Variants in UGT1A8 observed in about 807,000 individuals in gnomAD.
The protein encoded by UGT1A8 is UDP glucuronosyltransferase family 1 member A8.
A neutral mutation model predicts 45.3 loss-of-function variants in UGT1A8; 39 were observed. That is an observed-to-expected ratio of 0.86 (90% CI 0.67 to 1.12). The LOEUF is 1.12. UGT1A8 is among the 50% of genes most tolerant of loss of function. The pLI is 0.00. For synonymous variants in UGT1A8, 275 were observed against 249.2 expected, an observed-to-expected ratio of 1.10 and a Z score of -0.97; for missense variants, 719 against 664.9, an observed-to-expected ratio of 1.08 and a Z score of -0.90.
chr2:233,729,493 G>A, intron 1 of UGT1A8: 5 of 1,614,180 alleles, frequency 3.1e-6, no homozygotes, highest in Non-Finnish European at 4.2e-6. Context: ...TATGTCTTTG[G>A]TCTATCATAG....
chr2:233,688,950 A>G (rs1267065025), intron 1 of UGT1A8, among the ~76,000 whole-genome samples: 1 of 152,154 alleles, frequency 6.6e-6, no homozygotes, highest in Non-Finnish European at 1.5e-5. Context: ...ATGAAGCCAA[A>G]TGTTTGGAAT....
chr2:233,747,299 G>A, intron 1 of UGT1A8: 1 of 1,602,106 alleles, frequency 6.2e-7, no homozygotes, highest in Non-Finnish European at 8.5e-7. Flanking sequence ...GCTGAGAGTG[G>A]GAAGGTGCTG....
chr2:233,661,420 C>A (rs1041768979), intron 1 of UGT1A8, among the ~76,000 whole-genome samples: 2 of 152,044 alleles, frequency 1.3e-5, no homozygotes, highest in African/African-American at 2.4e-5. Flanking sequence ...CTCAGTAAGA[C>A]CTTTCTCACT....
In UGT1A8 at chr2:233,638,616, A is replaced by G. The variant is rs2073367335; in HGVS notation, c.855+20054A>G. 2.0e-5 allele frequency among the ~76,000 whole-genome samples: 3 copies of G among 152,212 alleles called. No individual in the cohort carries two copies. The South Asian group carries it at 6.2e-4, about 31-fold the overall frequency. ...CCAGAATAAGATTCTTGGCAAACGC[A>G]TAGTTGCTAAATCCAGATGAAACAC... On this transcript the variant is annotated intron_variant, in intron 1 of 4. Coordinates refer to ENST00000373450, the MANE Select transcript of UGT1A8 (RefSeq NM_019076.5).
At chr2:233,693,871 T>G in intron 1 of UGT1A8, 1 of 1,614,106 alleles carries the variant, frequency 6.2e-7, no homozygotes, top group Non-Finnish European at 8.5e-7. Flanking sequence ...CTCAGGTTGG[T>G]GGGTTTATTT....
intron 1 of UGT1A8, among the ~76,000 whole-genome samples, chr2:233,763,590 A>G (rs772976697): frequency 6.6e-6 from 1 of 152,156 alleles, no homozygotes; most frequent in Non-Finnish European, 1.5e-5. Flanking sequence ...TTCCTTTGTT[A>G]ACTAAAAATG....
intron 1 of UGT1A8, among the ~76,000 whole-genome samples, chr2:233,669,793 C>G (rs28970007): frequency 6.6e-6 from 1 of 152,148 alleles, no homozygotes; most frequent in African/African-American, 2.4e-5. Flanking sequence ...AAGTGATTCT[C>G]CTGCCTCAGC....
chr2:233,656,439 T>C (rs2073854770), intron 1 of UGT1A8, among the ~76,000 whole-genome samples: 1 of 152,232 alleles, frequency 6.6e-6, no homozygotes, highest in Non-Finnish European at 1.5e-5. Context: ...TTAGTCAGTG[T>C]CCGGTGGAGG....
intron 1 of UGT1A8, among the ~76,000 whole-genome samples, chr2:233,698,139 C>T (rs1179532977): frequency 6.6e-6 from 1 of 152,188 alleles, no homozygotes; most frequent in Admixed American, 6.5e-5. Flanking sequence ...TGTGTCTCAA[C>T]TGTATTCCCA....
intron 4 of UGT1A8, chr2:233,770,945 C>A (rs537203065): frequency 1.3e-5 from 2 of 152,232 alleles, no homozygotes; most frequent in African/African-American, 4.8e-5. Flanking sequence ...GCCGGGGGAA[C>A]CTCAGGGAGC....
intron 1 of UGT1A8, among the ~76,000 whole-genome samples, chr2:233,663,080 A>G (rs545505178): frequency 1.8e-4 from 28 of 152,284 alleles, no homozygotes; most frequent in African/African-American, 6.7e-4. Flanking sequence ...ATTCATCTGC[A>G]GAACTCTCTT....
intron 1 of UGT1A8, among the ~76,000 whole-genome samples, chr2:233,727,487 G>T (rs980960978): frequency 2.0e-5 from 3 of 152,164 alleles, no homozygotes; most frequent in Admixed American, 6.5e-5. Context: ...CTACTTGGAG[G>T]TAGAACATGG....
rs186714678 is a variant in UGT1A8 at position 233,744,068 on chromosome 2, C to T, written c.856-22966C>T. On this transcript the variant is annotated intron_variant, in intron 1 of 4. Coordinates refer to ENST00000373450, the MANE Select transcript of UGT1A8 (RefSeq NM_019076.5). ...CATCTCATTGGTCGAGGCCTATGAG[C>T]GCCTCGCATCCCAAGATGCAGTGCT... is the stretch of plus-strand genomic sequence containing the variant. 2.4e-4 allele frequency: 123 copies of T among 517,010 alleles called. 1 individual carries two copies. Among genetic ancestry groups the T allele is most frequent in the African/African-American group, 1.6e-3 (78 of 49,160 alleles). 32.0% of individuals were successfully genotyped at this position (517,010 alleles called of 1,614,324 possible).
At chr2:233,760,757 G>A (rs762472856) in intron 1 of UGT1A8, 14 of 1,613,946 alleles carry the variant, frequency 8.7e-6, no homozygotes, top group South Asian at 1.1e-5. Flanking sequence ...CTTCCTTGCA[G>A]CCCCATCGTG....
At chr2:233,768,037 T>C (rs1699552537) in intron 3 of UGT1A8, 101 bp downstream of exon 3, 3 of 1,611,640 alleles carry the variant, frequency 1.9e-6, no homozygotes, top group Non-Finnish European at 2.5e-6. Context: ...GAAAATATTA[T>C]GGCCAACATA....
Position 233,769,784 on chromosome 2 carries a change from G to A in UGT1A8, c.1295+1345G>A. 3 of 1,312,290 alleles carry A rather than the reference G, an allele frequency of 2.3e-6. No individual in the cohort carries two copies. The highest frequency in any genetic ancestry group is 3.0e-6 in the Non-Finnish European group (3 of 1,000,230). 81.3% of individuals were successfully genotyped at this position (1,312,290 alleles called of 1,614,324 possible). The stretch of plus-strand genomic sequence containing the variant: ...GCGGGAGGATTGCTTGAGCCCAGAA[G>A]TTGGAGGCTGCTATGAGCCGTGATC... On this transcript the variant is annotated intron_variant, in intron 4 of 4. Coordinates refer to ENST00000373450, the MANE Select transcript of UGT1A8 (RefSeq NM_019076.5). This position sits in a 1 kb window ranked among gnomAD's most constrained non-coding sequence, Gnocchi z 4.4.
In UGT1A8 at chr2:233,618,128, T is replaced by C. The variant is rs373515510; in HGVS notation, c.421T>C (p.Ser141Pro). ...ATTAGTAGAATACTTAAAGGAGAGT[T>C]CTTTTGATGCGGTGTTTCTTGATCC... ...RKLVEYLKESSFDAVFLDPFD... is the reference protein window; with the variant it reads ...RKLVEYLKESPFDAVFLDPFD... The change falls in exon 1 of 5, where the codon TCT (serine) becomes CCT (proline). Residue 141 changes from serine (S) to proline (P), a missense_variant. By Grantham distance (74) the Ser-to-Pro change is moderately conservative (BLOSUM62 -1). Transcript: ENST00000373450. The C allele has an allele frequency of 2.1e-5, 34 of 1,614,044 alleles. No homozygotes were observed. Among genetic ancestry groups the C allele is most frequent in the Admixed American group, 1.2e-4 (7 of 60,000 alleles).
chr2:233,760,811 T>G (rs72551341), intron 1 of UGT1A8: 1 of 1,613,198 alleles, frequency 6.2e-7, no homozygotes, highest in South Asian at 1.1e-5. Context: ...TTGCATGCAC[T>G]GCCATGCAGC....
At chr2:233,664,635 C>T (rs1366705076) in intron 1 of UGT1A8, among the ~76,000 whole-genome samples, 1 of 152,118 alleles carries the variant, frequency 6.6e-6, no homozygotes, top group African/African-American at 2.4e-5. Context: ...GAGGTCCACA[C>T]ACTTGACCAT....
Sources: gnomAD v4.1 joint callset for allele counts (sites outside exome capture counted in the v4.1 genomes callset) on GRCh38, gnomAD v4.1.1 for gene constraint, Gnocchi (gnomAD v3.1) non-coding constraint, MANE v1.5 for transcripts, NCBI Gene and HGNC (gene_info 2026-07-23, HGNC 2026-07-21) for gene names.